The following BCAT2 variants were observed in gnomAD, a reference collection of about 807,000 sequenced individuals.
The protein encoded by BCAT2 is branched chain amino acid transaminase 2, also known as branched-chain-amino-acid aminotransferase, mitochondrial.
Under a neutral mutation model 52.9 loss-of-function variants are expected in BCAT2, and 44 were observed. The ratio of observed to expected loss-of-function variants is 0.83; its 90% confidence interval spans 0.65 to 1.07. BCAT2 has a LOEUF of 1.07. BCAT2 is among the 50% of genes least tolerant of loss of function. The pLI, the probability that BCAT2 is intolerant of heterozygous loss-of-function variation, is 0.00. For missense variants in BCAT2, 478 were observed against 521.8 expected (o/e 0.92, Z 0.82); for synonymous variants, 215 against 217.1 (o/e 0.99, Z 0.08).
At chr19:48,802,480 C>T (rs1231280599) in intron 3 of BCAT2, among the ~76,000 whole-genome samples, 8 of 121,626 alleles carry the variant, frequency 6.6e-5, no homozygotes, top group Non-Finnish European at 3.2e-5. Flanking sequence ...TGGAGTCTCA[C>T]TCTGCCACCC....
chr19:48,806,373 G>T, intron 3 of BCAT2, 144 bp downstream of exon 3: 1 of 1,061,800 alleles, frequency 9.4e-7, no homozygotes, highest in Non-Finnish European at 1.4e-6. Context: ...CCTGGAGCAT[G>T]GAAGGCCTCA....
intron 3 of BCAT2, among the ~76,000 whole-genome samples, chr19:48,803,843 C>T (rs765637276): frequency 2.0e-5 from 3 of 151,966 alleles, no homozygotes; most frequent in Non-Finnish European, 2.9e-5. Flanking sequence ...CATAACATTG[C>T]CTGCCACTGA....
chr19:48,795,468 C>CG lies in BCAT2; in HGVS notation c.1141-5dup. 2 of 1,613,762 alleles carry CG rather than the reference C, an allele frequency of 1.2e-6. No homozygotes were observed. The highest frequency in any genetic ancestry group is 8.5e-7 in the Non-Finnish European group (1 of 1,179,906). On this transcript the variant is annotated splice_polypyrimidine_tract_variant and splice_region_variant and intron_variant, in intron 10 of 10. Coordinates refer to ENST00000316273, the MANE Select transcript of BCAT2 (RefSeq NM_001190.4). ...ACTCGTGGGCTCTGATTCCGTACTG[C>CG]GGAACAACGGAGGCAGTGCGTGAGG...
At chr19:48,803,810 A>G (rs1170124565) in intron 3 of BCAT2, among the ~76,000 whole-genome samples, 3 of 152,218 alleles carry the variant, frequency 2.0e-5, no homozygotes, top group Non-Finnish European at 4.4e-5. Context: ...AACAGTTCTG[A>G]ACCTTGATGG....
intron 3 of BCAT2, among the ~76,000 whole-genome samples, chr19:48,804,826 A>G (rs1056546607): frequency 6.6e-6 from 1 of 152,100 alleles, no homozygotes; most frequent in African/African-American, 2.4e-5. Flanking sequence ...TCTCCAAGTA[A>G]CCAGCTTCCT....
intron 8 of BCAT2, 63 bp downstream of exon 8, chr19:48,796,874 A>T (rs763937195): frequency 3.5e-5 from 56 of 1,603,304 alleles, no homozygotes; most frequent in Non-Finnish European, 4.5e-5. Flanking sequence ...CCCCAGTCCC[A>T]GCCCTCTGAT....
In BCAT2 at chr19:48,806,597, C is replaced by T. The variant is rs142099967; in HGVS notation, c.220G>A (p.Gly74Ser). 7.7e-4 allele frequency: 1,246 copies of T among 1,614,136 alleles called. 3 individuals are homozygous for T. Among genetic ancestry groups the T allele is most frequent in the Non-Finnish European group, 1.0e-3 (1,195 of 1,180,034 alleles). The change falls in exon 3 of 11, where the codon GGC becomes AGC. Residue 74 changes from glycine (G) to serine (S), a missense_variant. Gly to Ser is a moderately conservative substitution (Grantham distance 56, BLOSUM62 0). Coordinates refer to ENST00000316273, the MANE Select transcript of BCAT2 (RefSeq NM_001190.4). ...GGCTGGATTCGGGGCTGGCCCCAGC[C>T]CTTGTCATTCCATTCCACCATCAGC... Reference protein sequence around the residue: ...HMLMVEWNDKGWGQPRIQPFQ... With the variant: ...HMLMVEWNDKSWGQPRIQPFQ...
Position 48,796,494 on chromosome 19 carries a change from G to C in BCAT2, c.1074C>G (p.His358Gln), listed in dbSNP as rs1132361. Reference sequence around the variant, plus strand: ...CAGGCCCATTTTCCATGGTGGGAATGTGGAGGTTCTGGGACAGAAGGTGCG... The same window carrying C: ...CAGGCCCATTTTCCATGGTGGGAATCTGGAGGTTCTGGGACAGAAGGTGCG... Reference protein sequence around the residue: ...HRILYKDRNLHIPTMENGPEL... With the variant: ...HRILYKDRNLQIPTMENGPEL... Residue 358 changes from histidine to glutamine, a missense_variant, in exon 10 of 11, where the codon CAC (histidine) becomes CAG (glutamine). His to Gln is a conservative substitution (Grantham distance 24). Transcript: ENST00000316273. The C allele has an allele frequency of 6.2e-7, 1 of 1,613,394 alleles. No individual in the cohort carries two copies. The highest frequency in any genetic ancestry group is 2.2e-5 in the East Asian group (1 of 44,892).
chr19:48,801,315 T>A (rs1313503666), intron 3 of BCAT2, among the ~76,000 whole-genome samples: 1 of 151,564 alleles, frequency 6.6e-6, no homozygotes. Context: ...CTAGCTACAA[T>A]ATTTTGGGGG....
chr19:48,806,743 A>T (rs2034792991), intron 2 of BCAT2, 26 bp from the exon 3 acceptor site: 2 of 1,609,224 alleles, frequency 1.2e-6, no homozygotes, highest in African/African-American at 2.7e-5. Context: ...GGTATCCTAG[A>T]ATCTGGCCAC....
intron 1 of BCAT2, among the ~76,000 whole-genome samples, chr19:48,809,953 T>G (rs1163238959): frequency 6.6e-6 from 1 of 152,040 alleles, no homozygotes; most frequent in Non-Finnish European, 1.5e-5. Flanking sequence ...GATATCTCTA[T>G]CTTCATCAGA....
Position 48,807,974 on chromosome 19 carries a change from T to TGGGG in BCAT2, c.25-904_25-901dup, listed in dbSNP as rs957360115. The TGGGG allele has an allele frequency of 1.0e-6, 1 of 985,740 alleles. No homozygotes were observed. Among genetic ancestry groups the TGGGG allele is most frequent in the African/African-American group, 1.7e-5 (1 of 57,178 alleles). The allele number at this position is 985,740 out of a possible 1,614,324, so 61.1% of individuals were successfully genotyped here. A position where few individuals can be genotyped will look rare whatever the true frequency, so the allele number is the denominator to read the frequency against. On this transcript the variant is annotated intron_variant, in intron 1 of 10. Coordinates refer to ENST00000316273, the MANE Select transcript of BCAT2 (RefSeq NM_001190.4). The surrounding 1 kb of genome is among the most constrained non-coding windows in gnomAD (Gnocchi z 4.6). ...CACAAGGCCTCTTTCCCCAGCCCTG[T>TGGGG]GGGGAGGCGTTGGGGCGTGAGGTTG...
In BCAT2 at chr19:48,796,540, C is replaced by T. The variant is rs1421138250; in HGVS notation, c.1065+38G>A. Reference sequence around the variant, plus strand: ...GTGCGGTGAGGACCAAGCCCCTCCCCTCCTTCCCTCCCACCCACAATGGCA... The same window carrying T: ...GTGCGGTGAGGACCAAGCCCCTCCCTTCCTTCCCTCCCACCCACAATGGCA... On this transcript the variant is annotated intron_variant, in intron 9 of 10. Coordinates refer to ENST00000316273, the MANE Select transcript of BCAT2 (RefSeq NM_001190.4). The T allele has an allele frequency of 3.7e-6, 6 of 1,610,430 alleles. No individual in the cohort carries two copies. In the South Asian group the frequency reaches 6.6e-5, roughly 18 times the overall value.
chr19:48,795,170 C>G lies in BCAT2; in HGVS notation c.*256G>C. ...AGAACGGAGAGATCCGGAATCGGGG[C>G]CAAGGTGTATCCTTGACCGCACGAC... On this transcript the variant is annotated 3_prime_UTR_variant, in exon 11 of 11. Coordinates refer to ENST00000316273, the MANE Select transcript of BCAT2 (RefSeq NM_001190.4). 7.0e-6 allele frequency: 4 copies of G among 568,344 alleles called. No homozygotes were observed. The South Asian group carries it at 8.5e-5, about 12-fold the overall frequency. The allele number at this position is 568,344 out of a possible 1,614,324, so 35.2% of individuals were successfully genotyped here.
chr19:48,795,611 G>T (rs2122643096), intron 10 of BCAT2, 147 bp from the exon 11 acceptor site: 8 of 882,364 alleles, frequency 9.1e-6, no homozygotes, highest in South Asian at 6.1e-5. Context: ...CCCCAACAAT[G>T]ATGGGAACGG....
rs753744153 is a variant in BCAT2, at chr19:48,811,016, CG to C, written c.-10del. On this transcript the variant is annotated 5_prime_UTR_variant, in exon 1 of 11. Coordinates refer to ENST00000316273, the MANE Select transcript of BCAT2 (RefSeq NM_001190.4). Reference sequence around the variant, plus strand: ...AGAGCGGCTGCGGCCATGATCCGTGCGGCGCGTAACTGTGCCCGCCCGGGGC... The same window carrying C: ...AGAGCGGCTGCGGCCATGATCCGTGCGCGCGTAACTGTGCCCGCCCGGGGC... The C allele has an allele frequency of 2.5e-6, 4 of 1,600,342 alleles. No individual in the cohort carries two copies. The highest frequency in any genetic ancestry group is 1.4e-5 in the African/African-American group (1 of 73,546).
At chr19:48,796,895 CTGGCACA>C (rs965944004) in intron 8 of BCAT2, 35 bp downstream of exon 8, 5 of 1,609,626 alleles carry the variant, frequency 3.1e-6, no homozygotes, top group South Asian at 1.1e-5. Context: ...GCCCTGGCCC[CTGGCACA>C]TGGCGCCCAT....
At position 48,807,910 on chromosome 19, in the gene BCAT2, T is replaced by A; in HGVS notation, c.25-836A>T. 1.0e-6 allele frequency: 1 copy of A among 985,760 alleles called. No individual in the cohort carries two copies. The highest frequency in any genetic ancestry group is 4.7e-5 in the South Asian group (1 of 21,290). 61.1% of individuals were successfully genotyped at this position (985,760 alleles called of 1,614,324 possible). A position where few individuals can be genotyped will look rare whatever the true frequency, so the allele number is the denominator to read the frequency against. ...GGAGTAGGAAGAGCAGGTCTGGCTG[T>A]GTCCAGCAGGCTGGGCCCTCTCTGG... On this transcript the variant is annotated intron_variant, in intron 1 of 10. Coordinates refer to ENST00000316273, the MANE Select transcript of BCAT2 (RefSeq NM_001190.4). This position sits in a 1 kb window ranked among gnomAD's most constrained non-coding sequence, Gnocchi z 4.6.
chr19:48,796,765 C>A (rs1350928650), intron 8 of BCAT2, 47 bp from the exon 9 acceptor site: 1 of 1,594,424 alleles, frequency 6.3e-7, no homozygotes, highest in Non-Finnish European at 8.5e-7. Flanking sequence ...GGTTGCCCTG[C>A]TGCAGACCTC....
Sources: gnomAD v4.1 joint callset for allele counts (sites outside exome capture counted in the v4.1 genomes callset) on GRCh38, gnomAD v4.1.1 for gene constraint, Gnocchi (gnomAD v3.1) non-coding constraint, MANE v1.5 for transcripts, NCBI Gene and HGNC (gene_info 2026-07-23, HGNC 2026-07-21) for gene names.